The following STPG2 variants were observed in gnomAD, a reference collection of about 807,000 sequenced individuals.
The protein encoded by STPG2 is sperm tail PG-rich repeat containing 2.
Under a neutral mutation model 54.2 loss-of-function variants are expected in STPG2, and 56 were observed. That is an observed-to-expected ratio of 1.03 (90% CI 0.83 to 1.29). The LOEUF (loss-of-function observed/expected upper bound fraction) is 1.29. Ranked by LOEUF, STPG2 falls within the 50% of genes most tolerant of loss-of-function variation. The pLI is 0.00. For missense variants in STPG2, 596 were observed against 544.9 expected (o/e 1.09, Z -0.93); for synonymous variants, 200 against 181.8 (o/e 1.10, Z -0.81).
chr4:98,130,931 A>C (rs1252553187), intron 2 of STPG2, among the ~76,000 whole-genome samples: 42 of 141,962 alleles, frequency 3.0e-4, no homozygotes, highest in East Asian at 2.7e-3. Context: ...CAAAAAAAAA[A>C]AAAAAAAACA....
intron 9 of STPG2, among the ~76,000 whole-genome samples, chr4:97,827,236 CTTTTTTT>C (rs34545198): frequency 1.5e-5 from 2 of 129,960 alleles, no homozygotes; most frequent in Non-Finnish European, 3.2e-5. Flanking sequence ...CTATAGACAG[CTTTTTTT>C]TTTTTTTTTT....
intron 4 of STPG2, among the ~76,000 whole-genome samples, chr4:97,457,635 CA>C (rs936135973): frequency 2.0e-5 from 3 of 152,000 alleles, no homozygotes; most frequent in Non-Finnish European, 2.9e-5. Flanking sequence ...AAACAAACAA[CA>C]AAAAAAACCT....
chr4:97,591,453 A>C (rs1168129979), intron 10 of STPG2, among the ~76,000 whole-genome samples: 2 of 152,202 alleles, frequency 1.3e-5, no homozygotes, highest in Non-Finnish European at 2.9e-5. Flanking sequence ...TCATTCCATA[A>C]GCAGACTTGC....
intron 10 of STPG2, among the ~76,000 whole-genome samples, chr4:97,700,406 C>T (rs1723733139): frequency 6.6e-6 from 1 of 152,210 alleles, no homozygotes; most frequent in Admixed American, 6.5e-5. Flanking sequence ...CCAATAGGTG[C>T]AGTAGGCATT....
chr4:97,957,397 A>C (rs1257364336), intron 7 of STPG2, among the ~76,000 whole-genome samples: 2 of 151,940 alleles, frequency 1.3e-5, no homozygotes, highest in Non-Finnish European at 2.9e-5. Flanking sequence ...AAATAAGAAA[A>C]TATGAACAAA....
Position 97,564,271 on chromosome 4 carries a change from T to C in STPG2, c.1321-5154A>G, listed in dbSNP as rs1732355552. ...GGATTGCAACCCCTGCCTTTTTTTG[T>C]TTTCCACTTGCTTGGTAGATCTTCC... On this transcript the variant is annotated intron_variant, in intron 10 of 10. Coordinates refer to ENST00000295268, the MANE Select transcript of STPG2 (RefSeq NM_174952.3). Among the ~76,000 whole-genome samples, 3 of 152,172 alleles carry C rather than the reference T, an allele frequency of 2.0e-5. No individual in the cohort carries two copies. The South Asian group carries it at 6.2e-4, about 32-fold the overall frequency.
chr4:98,070,626 C>A (rs1272690047), intron 5 of STPG2, among the ~76,000 whole-genome samples: 1 of 152,032 alleles, frequency 6.6e-6, no homozygotes, highest in African/African-American at 2.4e-5. Flanking sequence ...ATCATCTCAG[C>A]CCAAAACCTT....
At chr4:97,982,117 C>T (rs1734702338) in intron 5 of STPG2, among the ~76,000 whole-genome samples, 1 of 151,916 alleles carries the variant, frequency 6.6e-6, no homozygotes, top group South Asian at 2.1e-4. Context: ...ATTTCCTGAC[C>T]TTGTGATTTG....
chr4:97,903,863 C>T (rs1731279205), intron 8 of STPG2, among the ~76,000 whole-genome samples: 2 of 152,220 alleles, frequency 1.3e-5, no homozygotes, highest in Admixed American at 1.3e-4. Flanking sequence ...AATCGGGTCA[C>T]TCCCACCCGA....
chr4:97,932,880 C>A (rs949489454), intron 8 of STPG2, among the ~76,000 whole-genome samples: 1 of 152,046 alleles, frequency 6.6e-6, no homozygotes, highest in East Asian at 1.9e-4. Flanking sequence ...GGATATATAT[C>A]CCAGTAATGG....
At chr4:97,569,191 G>T (rs1183256357) in intron 10 of STPG2, among the ~76,000 whole-genome samples, 1 of 152,182 alleles carries the variant, frequency 6.6e-6, no homozygotes, top group Non-Finnish European at 1.5e-5. Context: ...TCCTGGAACT[G>T]AAGTTTTCTC....
At position 97,643,013 on chromosome 4, in the gene STPG2, G is replaced by T. The variant is rs1367080844; in HGVS notation, c.1320+69686C>A. 2.0e-5 allele frequency among the ~76,000 whole-genome samples: 3 copies of T among 151,404 alleles called. No individual in the cohort carries two copies. In the East Asian group the frequency reaches 5.8e-4, roughly 29 times the overall value. ...GAATACTAATAAATATCTGATGAATGAATGAATCAATCAATCATGTGATTA... is the reference window on the plus strand; with the variant it reads ...GAATACTAATAAATATCTGATGAATTAATGAATCAATCAATCATGTGATTA... On this transcript the variant is annotated intron_variant, in intron 10 of 10. Coordinates refer to ENST00000295268, the MANE Select transcript of STPG2 (RefSeq NM_174952.3).
intron 10 of STPG2, among the ~76,000 whole-genome samples, chr4:97,654,879 T>C (rs761761576): frequency 5.3e-5 from 8 of 152,124 alleles, no homozygotes; most frequent in Non-Finnish European, 1.2e-4. Context: ...TTAAAAATGA[T>C]ATAATCTATA....
intron 10 of STPG2, among the ~76,000 whole-genome samples, chr4:97,637,172 G>T (rs1483704453): frequency 2.6e-5 from 4 of 152,204 alleles, no homozygotes; most frequent in Non-Finnish European, 5.9e-5. Flanking sequence ...TCCCTGGGAT[G>T]CAAGGCTGGT....
Position 98,058,478 on chromosome 4 carries a change from T to C in STPG2, c.612+47475A>G, listed in dbSNP as rs539533671. Among the ~76,000 whole-genome samples the C allele has an allele frequency of 3.3e-5, 5 of 152,240 alleles. No homozygotes were observed. The East Asian group carries it at 9.6e-4, about 29-fold the overall frequency. ...AAATACAAAGAAGGACATTACATAA[T>C]GGTAAAGGGTTCAATTCAGCAAGAA... On this transcript the variant is annotated intron_variant, in intron 5 of 10. Coordinates refer to ENST00000295268, the MANE Select transcript of STPG2 (RefSeq NM_174952.3).
chr4:97,934,182 G>C (rs1052063848), intron 8 of STPG2, among the ~76,000 whole-genome samples: 3 of 152,072 alleles, frequency 2.0e-5, no homozygotes, highest in Non-Finnish European at 4.4e-5. Flanking sequence ...TTGGTGTATA[G>C]GAATACTTGT....
chr4:97,786,025 T>C (rs1726812637), intron 9 of STPG2, among the ~76,000 whole-genome samples: 2 of 152,012 alleles, frequency 1.3e-5, no homozygotes, highest in Non-Finnish European at 2.9e-5. Context: ...TTTTTAAAAA[T>C]CAACTCTGAG....
intron 4 of STPG2, among the ~76,000 whole-genome samples, chr4:97,503,263 A>G (rs905086200): frequency 1.3e-5 from 2 of 152,010 alleles, no homozygotes; most frequent in African/African-American, 4.8e-5. Context: ...TTGTGGAAGT[A>G]TTTACACCAT....
chr4:97,529,775 G>A (rs1211840746), intron 4 of STPG2, among the ~76,000 whole-genome samples: 1 of 152,038 alleles, frequency 6.6e-6, no homozygotes, highest in Non-Finnish European at 1.5e-5. Flanking sequence ...GAGTAGAGGT[G>A]TCTTTGTTCT....
Sources: gnomAD v4.1 joint callset for allele counts (sites outside exome capture counted in the v4.1 genomes callset) on GRCh38, gnomAD v4.1.1 for gene constraint, MANE v1.5 for transcripts, NCBI Gene and HGNC (gene_info 2026-07-23, HGNC 2026-07-21) for gene names.